Variants in PRDM5 observed in about 807,000 individuals in gnomAD.
The protein encoded by PRDM5 is PR/SET domain 5, also known as PR domain zinc finger protein 5.
In PRDM5, 56 loss-of-function variants were observed where a neutral mutation model predicts 81.2. That is an observed-to-expected ratio of 0.69 (90% confidence interval 0.56 to 0.86). PRDM5 has a LOEUF of 0.86. Ranked by LOEUF, PRDM5 falls within the 40% of genes least tolerant of loss-of-function variation. PRDM5 has a pLI of 0.00. For missense variants in PRDM5, 697 were observed against 770.1 expected, an observed-to-expected ratio of 0.91 and a Z score of 1.12; for synonymous variants, 267 against 256.4, an observed-to-expected ratio of 1.04 and a Z score of -0.39.
In PRDM5 at chr4:120,695,199, GC is replaced by G; in HGVS notation, c.1804del (p.Ala602GlnfsTer26). 1 of 1,613,614 alleles carries G rather than the reference GC, an allele frequency of 6.2e-7. No individual in the cohort carries two copies. The highest frequency in any genetic ancestry group is 8.5e-7 in the Non-Finnish European group (1 of 1,179,666). ...CTTCTTATGGCAAAACTGGCATTCT[GC>G]CAGGGGACGATTGGGATTATGAGTC... ...KMTHNPNRPLAECQFCHKKFT... is the reference protein window; with the variant it reads ...KMTHNPNRPLXECQFCHKKFT... On this transcript the variant is annotated frameshift_variant, in exon 16 of 16. Transcript: ENST00000264808. LOFTEE classifies it high-confidence loss of function.
chr4:120,781,668 G>A (rs372002658), intron 11 of PRDM5, among the ~76,000 whole-genome samples: 5 of 152,164 alleles, frequency 3.3e-5, no homozygotes, highest in East Asian at 1.9e-4. Context: ...AGTTGCCTTT[G>A]GGCCCCTCCC....
At chr4:120,880,172 C>T (rs2148578860) in intron 2 of PRDM5, among the ~76,000 whole-genome samples, 1 of 152,152 alleles carries the variant, frequency 6.6e-6, no homozygotes, top group Non-Finnish European at 1.5e-5. Flanking sequence ...TAATATACTT[C>T]AAAAAACAAA....
intron 2 of PRDM5, among the ~76,000 whole-genome samples, chr4:120,858,571 G>A (rs1471960411): frequency 2.0e-5 from 3 of 149,418 alleles, no homozygotes; most frequent in Non-Finnish European, 4.5e-5. Flanking sequence ...TTATGAACGC[G>A]TGCGTGCGCG....
chr4:120,722,243 G>C (rs2149060527), intron 14 of PRDM5, among the ~76,000 whole-genome samples: 1 of 152,226 alleles, frequency 6.6e-6, no homozygotes, highest in South Asian at 2.1e-4. Flanking sequence ...CCTCAGCACG[G>C]ATCAGAACCT....
At chr4:120,717,010 T>G (rs1235087946) in intron 14 of PRDM5, among the ~76,000 whole-genome samples, 3 of 148,262 alleles carry the variant, frequency 2.0e-5, no homozygotes. Context: ...GTACAGGGGA[T>G]AAGATTGGAG....
chr4:120,782,384 T>C (rs1749164573), intron 11 of PRDM5, among the ~76,000 whole-genome samples: 1 of 152,110 alleles, frequency 6.6e-6, no homozygotes, highest in Non-Finnish European at 1.5e-5. Context: ...CCTTCCATCA[T>C]AACTAGCACT....
At chr4:120,833,482 A>T (rs1000351434) in intron 3 of PRDM5, among the ~76,000 whole-genome samples, 1 of 152,158 alleles carries the variant, frequency 6.6e-6, no homozygotes, top group African/African-American at 2.4e-5. Flanking sequence ...GCTTCCTTTA[A>T]TTGAAAAGGT....
intron 15 of PRDM5, among the ~76,000 whole-genome samples, chr4:120,702,689 A>G (rs1041023611): frequency 6.6e-6 from 1 of 152,224 alleles, no homozygotes; most frequent in Non-Finnish European, 1.5e-5. Flanking sequence ...TCCTGGAGAA[A>G]TTGAAGAAAG....
chr4:120,755,869 TCTC>T (rs142683201), intron 13 of PRDM5, among the ~76,000 whole-genome samples: 181 of 152,200 alleles, frequency 1.2e-3, no homozygotes, highest in African/African-American at 4.0e-3. Context: ...TTTTCCAGCC[TCTC>T]CTCCTTGGGG....
intron 14 of PRDM5, among the ~76,000 whole-genome samples, chr4:120,739,468 G>T (rs1171927775): frequency 1.3e-5 from 2 of 152,170 alleles, no homozygotes; most frequent in Non-Finnish European, 2.9e-5. Flanking sequence ...CATATAGAAT[G>T]AGAATGCAGA....
chr4:120,743,040 T>A (rs1308851965), intron 14 of PRDM5, among the ~76,000 whole-genome samples: 1 of 151,550 alleles, frequency 6.6e-6, no homozygotes, highest in East Asian at 1.9e-4. Flanking sequence ...AAAGGTCGGG[T>A]TACCTTCAAA....
intron 2 of PRDM5, among the ~76,000 whole-genome samples, chr4:120,900,598 A>G (rs1221377583): frequency 6.6e-6 from 1 of 152,226 alleles, no homozygotes; most frequent in East Asian, 1.9e-4. Flanking sequence ...CAAGGGTTGG[A>G]AAAGAAGTTT....
At chr4:120,814,926 T>A (rs773008857) in intron 7 of PRDM5, among the ~76,000 whole-genome samples, 4 of 152,340 alleles carry the variant, frequency 2.6e-5, no homozygotes, top group Admixed American at 1.3e-4. Flanking sequence ...TTATGAATTA[T>A]TTCCTACAAA....
intron 14 of PRDM5, among the ~76,000 whole-genome samples, chr4:120,726,381 T>C (rs1446489416): frequency 1.3e-5 from 2 of 152,202 alleles, no homozygotes; most frequent in Non-Finnish European, 2.9e-5. Flanking sequence ...ATCATTCCTT[T>C]GCATGCTTAG....
At chr4:120,902,567 A>T (rs192895340) in intron 2 of PRDM5, among the ~76,000 whole-genome samples, 4 of 152,308 alleles carry the variant, frequency 2.6e-5, no homozygotes, top group Non-Finnish European at 1.5e-5. Flanking sequence ...TATTCCACCA[A>T]ATTGTCCAAG....
chr4:120,862,381 A>G (rs1287927147), intron 2 of PRDM5, among the ~76,000 whole-genome samples: 1 of 152,234 alleles, frequency 6.6e-6, no homozygotes, highest in Non-Finnish European at 1.5e-5. Context: ...ACTGATCACT[A>G]TAAAGGACAT....
chr4:120,731,725 T>C (rs1740292500), intron 14 of PRDM5: 1 of 152,148 alleles, frequency 6.6e-6, no homozygotes, highest in Non-Finnish European at 1.5e-5. Flanking sequence ...GCCTCCTCCT[T>C]CCTGTTGCCT....
chr4:120,856,579 C>G (rs1353746100), intron 2 of PRDM5, among the ~76,000 whole-genome samples: 1 of 143,410 alleles, frequency 7.0e-6, no homozygotes, highest in African/African-American at 2.7e-5. Flanking sequence ...ACCCTAAACA[C>G]AGAGTTCGCC....
intron 15 of PRDM5, among the ~76,000 whole-genome samples, chr4:120,700,824 T>C (rs1403768032): frequency 6.6e-6 from 1 of 152,156 alleles, no homozygotes; most frequent in African/African-American, 2.4e-5. Flanking sequence ...CTAGTCAGAA[T>C]GGCTATTGTT....
Sources: allele counts gnomAD v4.1 joint callset (sites outside exome capture counted in the v4.1 genomes callset), GRCh38; gene constraint gnomAD v4.1.1; transcripts MANE v1.5; gene names NCBI Gene and HGNC (gene_info 2026-07-23, HGNC 2026-07-21).